The following CTTNBP2 variants were observed in gnomAD, a reference collection of about 807,000 sequenced individuals.
CTTNBP2 encodes cortactin-binding protein 2.
Under a neutral mutation model 156.9 loss-of-function variants are expected in CTTNBP2, and 108 were observed. The ratio of observed to expected loss-of-function variants is 0.69; its 90% CI spans 0.59 to 0.81. The LOEUF (loss-of-function observed/expected upper bound fraction) is 0.81, where lower values mean the gene tolerates loss of function less well. Among genes scored for constraint, CTTNBP2 ranks in the 30% least tolerant of loss-of-function variants. The pLI, the probability that CTTNBP2 is intolerant of heterozygous loss-of-function variation, is 0.00. For missense variants in CTTNBP2, 1,924 were observed against 2,035.4 expected, an observed-to-expected ratio of 0.95 and a Z score of 1.05; for synonymous variants, 767 against 751.8, an observed-to-expected ratio of 1.02 and a Z score of -0.33.
rs1171802688 is a variant in CTTNBP2, at chr7:117,862,761, T to C, written c.82-1445A>G. ...TACTTCACACTTGCATAGCACCCAA[T>C]GGCTTCCAAAGTATTCTCAAAGAAT... On this transcript the variant is annotated intron_variant, in intron 1 of 22. Transcript: ENST00000160373. Among the ~76,000 whole-genome samples, 5 of 152,294 alleles carry C rather than the reference T, an allele frequency of 3.3e-5. No individual in the cohort carries two copies. The East Asian group carries it at 7.7e-4, about 24-fold the overall frequency.
At chr7:117,789,932 A>G (rs1798901798) in intron 4 of CTTNBP2, among the ~76,000 whole-genome samples, 2 of 152,320 alleles carry the variant, frequency 1.3e-5, no homozygotes, top group Middle Eastern at 3.4e-3. Flanking sequence ...AAGCCTCTCA[A>G]AGACCTTAAT....
Position 117,725,045 on chromosome 7 carries a change from C to A in CTTNBP2, c.4261+7G>T. ...ATTTCCTCTCCTCTCTGCAGAAACC[C>A]ACATACCTGCTCTGGGGAGGGGACA... On this transcript the variant is annotated splice_region_variant and intron_variant, in intron 18 of 22. Coordinates refer to ENST00000160373, the MANE Select transcript of CTTNBP2 (RefSeq NM_033427.3). 1 of 1,611,868 alleles carries A rather than the reference C, an allele frequency of 6.2e-7. No homozygotes were observed. Among genetic ancestry groups the A allele is most frequent in the East Asian group, 2.2e-5 (1 of 44,882 alleles).
chr7:117,793,208 C>A (rs1799132390), intron 3 of CTTNBP2, among the ~76,000 whole-genome samples: 1 of 152,052 alleles, frequency 6.6e-6, no homozygotes. Flanking sequence ...TACTGAAAAC[C>A]GAGGACTTCA....
At chr7:117,724,976 G>T in intron 18 of CTTNBP2, 76 bp downstream of exon 18, 1 of 1,355,976 alleles carries the variant, frequency 7.4e-7, no homozygotes, top group Non-Finnish European at 1.0e-6. Context: ...AAGAAAGAAA[G>T]CTCTCTAAAA....
At chr7:117,750,355 T>C (rs1356970211) in intron 12 of CTTNBP2, among the ~76,000 whole-genome samples, 1 of 152,206 alleles carries the variant, frequency 6.6e-6, no homozygotes, top group African/African-American at 2.4e-5. Flanking sequence ...CAATTTAAAA[T>C]TTCATTGAAA....
chr7:117,742,877 A>G (rs1290474822), intron 14 of CTTNBP2, among the ~76,000 whole-genome samples: 2 of 152,236 alleles, frequency 1.3e-5, no homozygotes. Context: ...CACTGGACCT[A>G]CAATTCTGTC....
intron 3 of CTTNBP2, among the ~76,000 whole-genome samples, chr7:117,795,486 C>T (rs928029064): frequency 6.6e-6 from 1 of 152,162 alleles, no homozygotes; most frequent in African/African-American, 2.4e-5. Flanking sequence ...GAGCTACCTT[C>T]ATTTTTACAA....
At position 117,791,596 on chromosome 7, in the gene CTTNBP2, C is replaced by T. The variant is rs1281036488; in HGVS notation, c.1600G>A (p.Val534Ile). 17 of 1,613,992 alleles carry T rather than the reference C, an allele frequency of 1.1e-5. No homozygotes were observed. The highest frequency in any genetic ancestry group is 1.7e-5 in the Admixed American group (1 of 60,008). Residue 534 changes from valine (V) to isoleucine (I), a missense_variant, in exon 4 of 23, where the codon GTA becomes ATA. Coordinates refer to ENST00000160373, the MANE Select transcript of CTTNBP2 (RefSeq NM_033427.3). The stretch of plus-strand genomic sequence containing the variant: ...GGATTTCCTCTGTCAACTCGTGCTA[C>T]ACCATGAGTCTTTAAACTGGTCCGA... ...VGRTSLKTHG[V>I]ARVDRGNPPP... is the part of the protein sequence containing the mutation.
chr7:117,856,050 G>A (rs886193209), intron 2 of CTTNBP2, among the ~76,000 whole-genome samples: 5 of 152,162 alleles, frequency 3.3e-5, no homozygotes, highest in Admixed American at 1.3e-4. Context: ...AATCAAGATA[G>A]GGTCCCTCCC....
chr7:117,762,205 T>C (rs552500835), intron 9 of CTTNBP2, among the ~76,000 whole-genome samples: 15 of 152,216 alleles, frequency 9.9e-5, no homozygotes, highest in Non-Finnish European at 1.6e-4. Context: ...ATATCACTGA[T>C]AGACTGCTGA....
rs372327640 is a variant in CTTNBP2, at chr7:117,712,054, A to C, written c.4747-272T>G. ...AGGCGTCGATCTCCTTACCAACAGA[A>C]ACTTCACAAAATTACAGGCATGAGG... On this transcript the variant is annotated intron_variant, in intron 22 of 22. Transcript: ENST00000160373. Among the ~76,000 whole-genome samples, 3 of 152,180 alleles carry C rather than the reference A, an allele frequency of 2.0e-5. No homozygotes were observed. The East Asian group carries it at 5.8e-4, about 29-fold the overall frequency.
intron 14 of CTTNBP2, among the ~76,000 whole-genome samples, chr7:117,740,290 T>C (rs1247183628): frequency 3.3e-5 from 5 of 151,934 alleles, no homozygotes; most frequent in Non-Finnish European, 7.3e-5. Flanking sequence ...TTAAACCTAA[T>C]TATTTAAAAT....
At chr7:117,779,186 C>A (rs1238504317) in intron 7 of CTTNBP2, among the ~76,000 whole-genome samples, 1 of 152,112 alleles carries the variant, frequency 6.6e-6, no homozygotes, top group Non-Finnish European at 1.5e-5. Context: ...GTTGTGGACA[C>A]CTTTACTTGG....
intron 3 of CTTNBP2, among the ~76,000 whole-genome samples, chr7:117,801,207 A>G (rs1239565383): frequency 6.6e-6 from 1 of 152,254 alleles, no homozygotes; most frequent in Admixed American, 6.5e-5. Flanking sequence ...TAAAACTAGC[A>G]GGTGAACATT....
At chr7:117,810,142 G>T (rs980884286) in intron 3 of CTTNBP2, among the ~76,000 whole-genome samples, 6 of 152,038 alleles carry the variant, frequency 3.9e-5, no homozygotes, top group South Asian at 2.1e-4. Flanking sequence ...GGAGGAGGTT[G>T]GTTTAAATGA....
At chr7:117,741,369 T>C (rs1246411815) in intron 14 of CTTNBP2, among the ~76,000 whole-genome samples, 1 of 152,198 alleles carries the variant, frequency 6.6e-6, no homozygotes, top group Non-Finnish European at 1.5e-5. Context: ...ATTTGTATCA[T>C]AGTTTTCTTA....
chr7:117,837,452 G>A (rs971421573), intron 2 of CTTNBP2, among the ~76,000 whole-genome samples: 25 of 152,076 alleles, frequency 1.6e-4, no homozygotes, highest in African/African-American at 5.1e-4. Flanking sequence ...CCTGTCATTT[G>A]CCCTAACCAG....
At chr7:117,852,686 C>T (rs1454434891) in intron 2 of CTTNBP2, among the ~76,000 whole-genome samples, 5 of 152,184 alleles carry the variant, frequency 3.3e-5, no homozygotes, top group East Asian at 1.9e-4. Flanking sequence ...ATTACCTGCG[C>T]TCAATTGCAA....
intron 7 of CTTNBP2, among the ~76,000 whole-genome samples, chr7:117,777,990 T>C (rs1214112005): frequency 6.6e-6 from 1 of 152,186 alleles, no homozygotes; most frequent in Non-Finnish European, 1.5e-5. Flanking sequence ...TATTTTGTAA[T>C]CATTTCTACC....
Sources: allele counts gnomAD v4.1 joint callset (sites outside exome capture counted in the v4.1 genomes callset), GRCh38; gene constraint gnomAD v4.1.1; transcripts MANE v1.5; gene names NCBI Gene and HGNC (gene_info 2026-07-23, HGNC 2026-07-21).